The following ULK4 variants were observed in gnomAD, a reference collection of about 807,000 sequenced individuals.
The protein encoded by ULK4 is inactive serine/threonine-protein kinase ULK4.
ULK4 carries 133 observed loss-of-function variants against 160.6 expected under a neutral mutation model. The ratio of observed to expected loss-of-function variants is 0.83; its 90% CI spans 0.72 to 0.96. ULK4 has a LOEUF of 0.96. ULK4 is among the 40% of genes least tolerant of loss of function. The pLI, the probability that ULK4 is intolerant of heterozygous loss-of-function variation, is 0.00. For missense variants in ULK4, 1,580 were observed against 1,499.5 expected (o/e 1.05, Z -0.89); for synonymous variants, 534 against 539.8 (o/e 0.99, Z 0.15).
At chr3:41,656,522 T>A (rs1406410907) in intron 30 of ULK4, among the ~76,000 whole-genome samples, 1 of 152,206 alleles carries the variant, frequency 6.6e-6, no homozygotes, top group Non-Finnish European at 1.5e-5. Flanking sequence ...GAGTAAGAAC[T>A]TTCTTATCGT....
intron 31 of ULK4, among the ~76,000 whole-genome samples, chr3:41,581,941 G>T (rs541296967): frequency 6.6e-5 from 10 of 152,194 alleles, no homozygotes; most frequent in Non-Finnish European, 1.3e-4. Flanking sequence ...AATGGGAAGT[G>T]ACAAAGGCAC....
chr3:41,350,960 C>CA lies in ULK4; in HGVS notation c.3678+47118dup, dbSNP rs138853103. ...TCAGAAGCATCAATAAAAGGGACTA[C>CA]AGGACCTTGTAATAAAAGATTTCTC... On this transcript the variant is annotated intron_variant, in intron 35 of 36. Coordinates refer to ENST00000301831, the MANE Select transcript of ULK4 (RefSeq NM_017886.4). Among the ~76,000 whole-genome samples, 256 of 152,326 alleles carry CA rather than the reference C, an allele frequency of 1.7e-3. 2 individuals carry two copies. The highest frequency in any genetic ancestry group is 3.2e-3 in the Non-Finnish European group (218 of 68,032).
chr3:41,931,092 C>G (rs1699578502), intron 5 of ULK4, among the ~76,000 whole-genome samples: 1 of 152,134 alleles, frequency 6.6e-6, no homozygotes, highest in African/African-American at 2.4e-5. Flanking sequence ...AAATGCCCAT[C>G]AATGATAGAC....
chr3:41,469,862 A>G lies in ULK4; in HGVS notation c.3227-6609T>C, dbSNP rs145683528. Among the ~76,000 whole-genome samples the G allele has an allele frequency of 8.7e-3, 1,308 of 151,158 alleles. 19 individuals carry two copies. Among genetic ancestry groups the G allele is most frequent in the African/African-American group, 0.029 (1,213 of 41,280 alleles). On this transcript the variant is annotated intron_variant, in intron 32 of 36. Coordinates refer to ENST00000301831, the MANE Select transcript of ULK4 (RefSeq NM_017886.4). ...ATAGGCTCCCTCACACTGAAGAATC[A>G]GTGAACTTGAAGATAGAACATCTGA...
intron 22 of ULK4, among the ~76,000 whole-genome samples, chr3:41,746,087 T>C (rs555623977): frequency 7.3e-5 from 11 of 151,362 alleles, no homozygotes; most frequent in Admixed American, 7.2e-4. Flanking sequence ...ATGCTTTCCC[T>C]ACAAGGCCAG....
chr3:41,287,165 G>C (rs1424219261), intron 35 of ULK4, among the ~76,000 whole-genome samples: 2 of 152,202 alleles, frequency 1.3e-5, no homozygotes, highest in East Asian at 3.9e-4. Context: ...GGCAAGATCA[G>C]GGTAGGAACT....
chr3:41,935,290 G>A (rs1394543752), intron 4 of ULK4, among the ~76,000 whole-genome samples: 1 of 144,396 alleles, frequency 6.9e-6, no homozygotes, highest in Non-Finnish European at 1.5e-5. Context: ...GCAGTGGCAC[G>A]AACTCAGCTC....
intron 29 of ULK4, among the ~76,000 whole-genome samples, chr3:41,676,488 A>G (rs1436850): frequency 0.13 from 19,865 of 152,088 alleles, 3,098 homozygotes; most frequent in African/African-American, 0.37. Context: ...GCTCCCTCCA[A>G]ATTTACTAAC....
At position 41,246,903 on chromosome 3, in the gene ULK4, C is replaced by T. The variant is rs761363601; in HGVS notation, c.*26G>A. On this transcript the variant is annotated 3_prime_UTR_variant, in exon 37 of 37. Coordinates refer to ENST00000301831, the MANE Select transcript of ULK4 (RefSeq NM_017886.4). ...GCATCCGAGGGCTGGGGCCACAGGG[C>T]GGGCTTGTGCTAAGCACCTTCTTGC... 36 of 1,611,066 alleles carry T rather than the reference C, an allele frequency of 2.2e-5. No homozygotes were observed. The highest frequency in any genetic ancestry group is 2.1e-4 in the South Asian group (19 of 90,190).
chr3:41,900,842 C>G lies in ULK4; in HGVS notation c.1183-13G>C. The stretch of plus-strand genomic sequence containing the variant: ...GTCCACTTGTAATCTGAAATGAGAA[C>G]AAAAATTAGACTTTGTTTCTGCGAC... On this transcript the variant is annotated splice_polypyrimidine_tract_variant and intron_variant, in intron 12 of 36. Coordinates refer to ENST00000301831, the MANE Select transcript of ULK4 (RefSeq NM_017886.4). The G allele has an allele frequency of 6.2e-7, 1 of 1,601,054 alleles. No individual in the cohort carries two copies. Among genetic ancestry groups the G allele is most frequent in the Non-Finnish European group, 8.5e-7 (1 of 1,169,830 alleles).
chr3:41,424,831 C>CAAAAAAAAAAAAAAAA (rs36097613), intron 34 of ULK4, among the ~76,000 whole-genome samples: 17 of 62,406 alleles, frequency 2.7e-4, no homozygotes, highest in East Asian at 1.2e-3. Flanking sequence ...AAGAAATCAT[C>CAAAAAAAAAAAAAAAA]AAAAAAAAAA....
intron 17 of ULK4, among the ~76,000 whole-genome samples, chr3:41,875,594 C>T (rs1410572447): frequency 6.6e-6 from 1 of 151,998 alleles, no homozygotes; most frequent in Admixed American, 6.6e-5. Flanking sequence ...GTAGTCCAGC[C>T]TGAACAACAC....
At chr3:41,935,994 C>A in intron 3 of ULK4, 54 bp from the exon 4 acceptor site, 1 of 1,505,198 alleles carries the variant, frequency 6.6e-7, no homozygotes, top group Non-Finnish European at 8.9e-7. Context: ...TCACAGAGTG[C>A]CCCTGAGAGG....
intron 34 of ULK4, among the ~76,000 whole-genome samples, chr3:41,445,905 A>C (rs1417230732): frequency 2.0e-5 from 3 of 152,112 alleles, no homozygotes; most frequent in Non-Finnish European, 4.4e-5. Context: ...GCTTCTGCAC[A>C]GCAAAAGAAA....
chr3:41,847,155 G>C (rs2042089128), intron 17 of ULK4, among the ~76,000 whole-genome samples: 1 of 152,086 alleles, frequency 6.6e-6, no homozygotes, highest in African/African-American at 2.4e-5. Context: ...TTTGTCTGAA[G>C]TCATCTGATA....
At chr3:41,838,003 A>C (rs1489273621) in intron 17 of ULK4, among the ~76,000 whole-genome samples, 1 of 152,208 alleles carries the variant, frequency 6.6e-6, no homozygotes, top group African/African-American at 2.4e-5. Context: ...GCTTCACATC[A>C]GTCCTTGCAG....
chr3:41,725,131 CCTTT>C (rs1050519034), intron 22 of ULK4, among the ~76,000 whole-genome samples: 10 of 152,030 alleles, frequency 6.6e-5, no homozygotes, highest in Non-Finnish European at 1.3e-4. Context: ...TCAATATTTT[CCTTT>C]CTGACAATGC....
chr3:41,634,821 C>T (rs1278840679), intron 30 of ULK4, among the ~76,000 whole-genome samples: 5 of 152,150 alleles, frequency 3.3e-5, no homozygotes, highest in Admixed American at 1.3e-4. Context: ...CAGGTTAACA[C>T]AGCTAATTTG....
chr3:41,413,291 G>A (rs935976932), intron 34 of ULK4, among the ~76,000 whole-genome samples: 15 of 152,252 alleles, frequency 9.9e-5, no homozygotes, highest in Admixed American at 9.2e-4. Context: ...TTCAAGATGA[G>A]ATTTGGGTGG....
Sources: allele counts gnomAD v4.1 joint callset (sites outside exome capture counted in the v4.1 genomes callset), GRCh38; gene constraint gnomAD v4.1.1; transcripts MANE v1.5; gene names NCBI Gene and HGNC (gene_info 2026-07-23, HGNC 2026-07-21).